The following PLAT variants were observed in gnomAD, a reference collection of about 807,000 sequenced individuals.
The protein encoded by PLAT is plasminogen activator, tissue type.
Under a neutral mutation model 74.9 loss-of-function variants are expected in PLAT, and 48 were observed. The ratio of observed to expected loss-of-function variants is 0.64; its 90% CI spans 0.51 to 0.82. The LOEUF (loss-of-function observed/expected upper bound fraction) is 0.82, where lower values mean the gene tolerates loss of function less well. Ranked by LOEUF, PLAT falls within the 40% of genes least tolerant of loss-of-function variation. The pLI is 0.00. For missense variants in PLAT, 673 were observed against 736.2 expected (o/e 0.91, Z 0.99); for synonymous variants, 307 against 294.4 (o/e 1.04, Z -0.44).
chr8:42,202,390 C>T (rs1346803648), intron 1 of PLAT, among the ~76,000 whole-genome samples: 1 of 152,032 alleles, frequency 6.6e-6, no homozygotes, highest in East Asian at 1.9e-4. Context: ...CAGTCCCTGT[C>T]CCCTGCCTTC....
At chr8:42,186,585 T>G (rs1000864009) in intron 6 of PLAT, 3 of 152,170 alleles carry the variant, frequency 2.0e-5, no homozygotes, top group African/African-American at 4.8e-5. Context: ...TGGGCACATG[T>G]CCTCAGGACC....
intron 1 of PLAT, among the ~76,000 whole-genome samples, chr8:42,204,340 T>C (rs904182800): frequency 5.3e-5 from 8 of 152,118 alleles, no homozygotes; most frequent in African/African-American, 1.7e-4. Context: ...AATGCACTGG[T>C]CCCTTATTGT....
chr8:42,192,219 G>T (rs768125034), intron 2 of PLAT, among the ~76,000 whole-genome samples: 10 of 151,824 alleles, frequency 6.6e-5, no homozygotes, highest in Non-Finnish European at 1.5e-4. Flanking sequence ...GCCCAGACTG[G>T]TCTCCAACTC....
chr8:42,191,435 G>A, intron 2 of PLAT, 21 bp from the exon 3 acceptor site: 1 of 1,613,380 alleles, frequency 6.2e-7, no homozygotes, highest in Non-Finnish European at 8.5e-7. Context: ...ACCAGAGGTG[G>A]AGGAAGGATC....
intron 7 of PLAT, among the ~76,000 whole-genome samples, chr8:42,184,126 A>AG (rs1023094838): frequency 2.6e-5 from 4 of 151,932 alleles, no homozygotes; most frequent in African/African-American, 9.7e-5. Flanking sequence ...TTTTTTGTAG[A>AG]GATGGAGTCT....
chr8:42,197,015 AC>A (rs2129796274), intron 1 of PLAT, among the ~76,000 whole-genome samples: 2 of 152,204 alleles, frequency 1.3e-5, no homozygotes, highest in Admixed American at 6.5e-5. Flanking sequence ...GGTCCCCAAG[AC>A]CCCAAGGCCT....
At chr8:42,206,629 T>G (rs1394049327) in intron 1 of PLAT, 1 of 152,160 alleles carries the variant, frequency 6.6e-6, no homozygotes, top group Non-Finnish European at 1.5e-5. Context: ...TCTTTGAGCT[T>G]GAGTTGTCAT....
Position 42,201,121 on chromosome 8 carries a change from C to T in PLAT, c.-27+6373G>A, listed in dbSNP as rs190699987. 2.1e-3 allele frequency among the ~76,000 whole-genome samples: 324 copies of T among 152,328 alleles called. 1 individual carries two copies. Among genetic ancestry groups the T allele is most frequent in the African/African-American group, 7.4e-3 (307 of 41,576 alleles). On this transcript the variant is annotated intron_variant, in intron 1 of 13. Coordinates refer to ENST00000220809, the MANE Select transcript of PLAT (RefSeq NM_000930.5). ...CTAGGATTACAGGCGTGAGCCAACA[C>T]GCCTGGCCATAACGTTCTTAATGTG...
At chr8:42,195,261 C>G (rs547184478) in intron 1 of PLAT, among the ~76,000 whole-genome samples, 1 of 152,128 alleles carries the variant, frequency 6.6e-6, no homozygotes, top group Non-Finnish European at 1.5e-5. Flanking sequence ...CTCCTTGCCT[C>G]GCTACATTTC....
intron 1 of PLAT, among the ~76,000 whole-genome samples, chr8:42,196,196 C>T (rs1294958672): frequency 6.6e-6 from 1 of 152,168 alleles, no homozygotes; most frequent in Non-Finnish European, 1.5e-5. Context: ...AGGGCTGGTC[C>T]ACACATACCA....
chr8:42,195,228 C>CG (rs1805861843), intron 1 of PLAT, among the ~76,000 whole-genome samples: 1 of 152,006 alleles, frequency 6.6e-6, no homozygotes, highest in African/African-American at 2.4e-5. Flanking sequence ...AAACGAACTC[C>CG]CCCGTGGGAG....
intron 1 of PLAT, among the ~76,000 whole-genome samples, chr8:42,194,649 G>T (rs1026327262): frequency 1.3e-5 from 2 of 152,206 alleles, no homozygotes; most frequent in South Asian, 4.1e-4. Context: ...CTTCTGCAGC[G>T]GAAGCCATTG....
Position 42,180,017 on chromosome 8 carries a change from G to T in PLAT, c.1272C>A (p.Ser424Arg). 1 of 1,610,222 alleles carries T rather than the reference G, an allele frequency of 6.2e-7. No individual in the cohort carries two copies. Among genetic ancestry groups the T allele is most frequent in the Non-Finnish European group, 8.5e-7 (1 of 1,177,962 alleles). ...SDSSRCAQES[S>R]VVRTVCLPPA... ...GGGGAAGGCACACAGTGCGGACCACGCTGCTCTCCTGGGCACAGCGGGACG... is the reference window on the plus strand; with the variant it reads ...GGGGAAGGCACACAGTGCGGACCACTCTGCTCTCCTGGGCACAGCGGGACG... Residue 424 changes from serine to arginine, a missense_variant, in exon 12 of 14, where the codon AGC becomes AGA. Transcript: ENST00000220809.
chr8:42,201,488 A>T (rs1362823164), intron 1 of PLAT, among the ~76,000 whole-genome samples: 2 of 152,160 alleles, frequency 1.3e-5, no homozygotes, highest in Non-Finnish European at 2.9e-5. Flanking sequence ...GCCACGCTTC[A>T]TGGGGTCCTC....
chr8:42,184,154 T>C (rs1374417151), intron 7 of PLAT, among the ~76,000 whole-genome samples: 1 of 152,066 alleles, frequency 6.6e-6, no homozygotes, highest in African/African-American at 2.4e-5. Context: ...TTGCCCAGGC[T>C]GGTCTCAAAC....
rs759282035 is a variant in PLAT, at chr8:42,187,524, G to A, written c.413C>T (p.Thr138Met). Reference sequence around the variant, plus strand: ...GGCGCCACTCTCCGCTGTGCTCCACGTGCCCCTGTAGCTGATGCCCTGGTC... The same window carrying A: ...GGCGCCACTCTCCGCTGTGCTCCACATGCCCCTGTAGCTGATGCCCTGGTC... ...YEDQGISYRG[T>M]WSTAESGAEC... Residue 138 changes from threonine (T) to methionine (M), a missense_variant, in exon 6 of 14, where the codon ACG (threonine) becomes ATG (methionine). By Grantham distance (81) the Thr-to-Met change is moderately conservative (BLOSUM62 -1). Coordinates refer to ENST00000220809, the MANE Select transcript of PLAT (RefSeq NM_000930.5). 14 of 1,611,164 alleles carry A rather than the reference G, an allele frequency of 8.7e-6. No homozygotes were observed. The highest frequency in any genetic ancestry group is 2.7e-5 in the African/African-American group (2 of 75,044).
rs1804942731 is a variant in PLAT, at chr8:42,175,720, T to C, written c.*273A>G. 2.9e-6 allele frequency: 1 copy of C among 339,360 alleles called. No individual in the cohort carries two copies. The highest frequency in any genetic ancestry group is 4.3e-5 in the Admixed American group (1 of 23,232). The allele number at this position is 339,360 out of a possible 1,614,324, so 21.0% of individuals were successfully genotyped here. A position where few individuals can be genotyped will look rare whatever the true frequency, so the allele number is the denominator to read the frequency against. On this transcript the variant is annotated 3_prime_UTR_variant, in exon 14 of 14. Coordinates refer to ENST00000220809, the MANE Select transcript of PLAT (RefSeq NM_000930.5). ...CTGAAAACAGGGTGGCATGGCCACT[T>C]TCTGCCCAGGGAGGAGGCATTCCTG... is the stretch of plus-strand genomic sequence containing the variant.
rs751584975 is a variant in PLAT, at chr8:42,178,928, C to T, written c.1499G>A (p.Gly500Glu). 8 of 1,613,684 alleles carry T rather than the reference C, an allele frequency of 5.0e-6. No individual in the cohort carries two copies. The highest frequency in any genetic ancestry group is 1.7e-4 in the Middle Eastern group (1 of 5,794). Residue 500 changes from glycine (G) to glutamate (E), a missense_variant, in exon 13 of 14, where the codon GGG (glycine) becomes GAG (glutamate). Gly to Glu is a moderately conservative substitution (Grantham distance 98, BLOSUM62 -2). Coordinates refer to ENST00000220809, the MANE Select transcript of PLAT (RefSeq NM_000930.5). The part of the protein sequence containing the change: ...MLCAGDTRSG[G>E]PQANLHDACQ... ...GGCGTCGTGCAAGTTTGCCTGGGGC[C>T]CGCCGCTCCGAGTGTCTCCAGCACA...
At chr8:42,181,904 G>A (rs764790888) in intron 9 of PLAT, 33 bp downstream of exon 9, 2 of 1,297,642 alleles carry the variant, frequency 1.5e-6, no homozygotes, top group East Asian at 2.3e-5. Flanking sequence ...AGGGAGACCA[G>A]GTGCAGGGAG....
Sources: allele counts gnomAD v4.1 joint callset (sites outside exome capture counted in the v4.1 genomes callset), GRCh38; gene constraint gnomAD v4.1.1; transcripts MANE v1.5; gene names NCBI Gene and HGNC (gene_info 2026-07-23, HGNC 2026-07-21).